Variants in PINX1 observed in about 807,000 individuals in gnomAD.
PINX1 encodes the protein PIN2/TERF1-interacting telomerase inhibitor 1.
A neutral mutation model predicts 25.4 loss-of-function variants in PINX1; 34 were observed. The observed-to-expected ratio is 1.34, with a 90% CI of 1.02 to 1.78. The LOEUF is 1.78. PINX1 is among the 40% of genes most tolerant of loss of function. The probability of loss-of-function intolerance (pLI) is 0.00; values close to 1 mark genes in which losing one functional copy is unlikely to be tolerated. For synonymous variants in PINX1, 197 were observed against 147.7 expected, an observed-to-expected ratio of 1.33 and a Z score of -2.42; for missense variants, 592 against 404.9, an observed-to-expected ratio of 1.46 and a Z score of -3.97.
At chr8:10,836,110 A>T (rs1359454483) in intron 1 of PINX1, among the ~76,000 whole-genome samples, 1 of 152,144 alleles carries the variant, frequency 6.6e-6, no homozygotes, top group Non-Finnish European at 1.5e-5. Context: ...TCACATAATT[A>T]AAAAATAACA....
At position 10,839,801 on chromosome 8, in the gene PINX1, C is replaced by T; in HGVS notation, c.-45G>A. On this transcript the variant is annotated 5_prime_UTR_variant, in exon 1 of 7. Coordinates refer to ENST00000314787, the MANE Select transcript of PINX1 (RefSeq NM_017884.6). The stretch of plus-strand genomic sequence containing the variant: ...CGCCGCCTCTGGACCTGGGTGACTG[C>T]GGCCACTGGGCGGGCTGGAGACTCC... 1.3e-6 allele frequency: 2 copies of T among 1,582,280 alleles called. No homozygotes were observed. Among genetic ancestry groups the T allele is most frequent in the Middle Eastern group, 1.7e-4 (1 of 6,014 alleles).
chr8:10,832,800 T>G, intron 3 of PINX1, 92 bp downstream of exon 3: 1 of 690,512 alleles, frequency 1.4e-6, no homozygotes, highest in Non-Finnish European at 2.6e-6. Context: ...GCTGCACCAA[T>G]GGTCAGAAGC....
At chr8:10,812,836 C>G (rs1797576943) in intron 6 of PINX1, among the ~76,000 whole-genome samples, 1 of 152,188 alleles carries the variant, frequency 6.6e-6, no homozygotes, top group Admixed American at 6.5e-5. Context: ...CTGACACCGC[C>G]CAGCCTGCGC....
intron 3 of PINX1, among the ~76,000 whole-genome samples, chr8:10,832,067 G>C (rs867689040): frequency 6.6e-6 from 1 of 152,146 alleles, no homozygotes; most frequent in Non-Finnish European, 1.5e-5. Flanking sequence ...ATAATGAAAT[G>C]ACTATTTTTT....
At chr8:10,801,580 G>A (rs140346454) in intron 6 of PINX1, among the ~76,000 whole-genome samples, 2 of 152,230 alleles carry the variant, frequency 1.3e-5, no homozygotes, top group East Asian at 3.9e-4. Context: ...TCCTTTTCTG[G>A]AAGTCCAGGG....
chr8:10,814,966 G>GTC (rs1797655119), intron 6 of PINX1, among the ~76,000 whole-genome samples: 1 of 152,098 alleles, frequency 6.6e-6, no homozygotes, highest in Non-Finnish European at 1.5e-5. Context: ...TTGAGACAGG[G>GTC]TCTCACTCTG....
intron 6 of PINX1, among the ~76,000 whole-genome samples, chr8:10,786,886 C>T (rs1054334372): frequency 6.6e-6 from 1 of 152,324 alleles, no homozygotes; most frequent in Admixed American, 6.5e-5. Context: ...TTGCACCCCA[C>T]TGTGGACCCC....
chr8:10,808,580 T>C (rs903897839), intron 6 of PINX1, among the ~76,000 whole-genome samples: 1 of 152,200 alleles, frequency 6.6e-6, no homozygotes. Context: ...TGTTTTAAGA[T>C]ACAAAAATTA....
At position 10,791,921 on chromosome 8, in the gene PINX1, A is replaced by T. The variant is rs1801935184; in HGVS notation, c.472-26005T>A. Among the ~76,000 whole-genome samples, 6 of 151,820 alleles carry T rather than the reference A, an allele frequency of 4.0e-5. No individual in the cohort carries two copies. In the South Asian group the frequency reaches 8.3e-4, roughly 21 times the overall value. On this transcript the variant is annotated intron_variant, in intron 6 of 6. Transcript: ENST00000314787. ...GCGTGCAGCTTTTGAAGGCCCTGAG[A>T]CCCCCAGGACAACATGCCCCATCTC...
chr8:10,767,904 G>A (rs1301119942), intron 6 of PINX1, among the ~76,000 whole-genome samples: 2 of 71,090 alleles, frequency 2.8e-5, no homozygotes, highest in Non-Finnish European at 5.4e-5. Flanking sequence ...CGGTGACCAG[G>A]CACCCTCACA....
At chr8:10,813,764 C>G (rs1352452363) in intron 6 of PINX1, among the ~76,000 whole-genome samples, 1 of 151,944 alleles carries the variant, frequency 6.6e-6, no homozygotes, top group Non-Finnish European at 1.5e-5. Context: ...GCATGCTAGA[C>G]AGAGAAACGA....
At chr8:10,791,353 G>A (rs912394556) in intron 6 of PINX1, among the ~76,000 whole-genome samples, 1 of 152,158 alleles carries the variant, frequency 6.6e-6, no homozygotes, top group African/African-American at 2.4e-5. Flanking sequence ...GTCCCTCCTC[G>A]GTGGAAGCAC....
chr8:10,824,466 T>G (rs949431826), intron 5 of PINX1, among the ~76,000 whole-genome samples: 4 of 152,192 alleles, frequency 2.6e-5, no homozygotes, highest in Non-Finnish European at 5.9e-5. Flanking sequence ...CCTTCTGTTC[T>G]GCATACTGAC....
At position 10,765,972 on chromosome 8, in the gene PINX1, C is replaced by T. The variant is rs184967699; in HGVS notation, c.472-56G>A. 235 of 1,559,800 alleles carry T rather than the reference C, an allele frequency of 1.5e-4. No individual in the cohort carries two copies. The Admixed American group carries it at 2.2e-3, about 14-fold the overall frequency. ...TAAGCATCAACTGTTCATCCCTCAC[C>T]GCACCCAGGAGGCACCCACACCCGG... On this transcript the variant is annotated intron_variant, in intron 6 of 6. Transcript: ENST00000314787.
intron 6 of PINX1, among the ~76,000 whole-genome samples, chr8:10,779,112 G>T (rs1415612157): frequency 6.6e-6 from 1 of 152,192 alleles, no homozygotes; most frequent in Non-Finnish European, 1.5e-5. Flanking sequence ...TGCCAAGTAT[G>T]GATGTATTTT....
intron 6 of PINX1, among the ~76,000 whole-genome samples, chr8:10,809,791 C>T (rs1802569175): frequency 6.6e-6 from 1 of 152,252 alleles, no homozygotes; most frequent in African/African-American, 2.4e-5. Context: ...TTATCATCAC[C>T]ATCCTCGTTC....
At chr8:10,819,283 C>A (rs1797793882) in intron 6 of PINX1, among the ~76,000 whole-genome samples, 1 of 152,184 alleles carries the variant, frequency 6.6e-6, no homozygotes, top group Non-Finnish European at 1.5e-5. Context: ...AACCACCACC[C>A]TAGAAATAAA....
intron 6 of PINX1, among the ~76,000 whole-genome samples, chr8:10,794,627 A>G (rs1224159209): frequency 1.3e-5 from 2 of 152,068 alleles, no homozygotes; most frequent in African/African-American, 4.8e-5. Flanking sequence ...GGGTTTCACC[A>G]TGTTGACCAG....
chr8:10,821,464 C>T lies in PINX1; in HGVS notation c.395-1195G>A, dbSNP rs116569200. Among the ~76,000 whole-genome samples, 347 of 152,342 alleles carry T rather than the reference C, an allele frequency of 2.3e-3. 2 individuals are homozygous for T. The highest frequency in any genetic ancestry group is 7.9e-3 in the African/African-American group (328 of 41,572). Reference sequence around the variant, plus strand: ...AGGCTCCTCTGGGCTCTGGCTGCTGCTCTCCTTCCTACCTGAGCTTGACAC... The same window carrying T: ...AGGCTCCTCTGGGCTCTGGCTGCTGTTCTCCTTCCTACCTGAGCTTGACAC... On this transcript the variant is annotated intron_variant, in intron 5 of 6. Transcript: ENST00000314787.
Sources: gnomAD v4.1 joint callset for allele counts (sites outside exome capture counted in the v4.1 genomes callset) on GRCh38, gnomAD v4.1.1 for gene constraint, MANE v1.5 for transcripts, NCBI Gene and HGNC (gene_info 2026-07-23, HGNC 2026-07-21) for gene names.